The following NBPF9 variants were observed in gnomAD, a reference collection of about 807,000 sequenced individuals.
The protein encoded by NBPF9 is NBPF family member NBPF9.
In NBPF9, 91 loss-of-function variants were observed where a neutral mutation model predicts 97.8. The observed-to-expected ratio is 0.93, with a 90% CI of 0.79 to 1.11. The LOEUF (loss-of-function observed/expected upper bound fraction) is 1.11, where lower values mean the gene tolerates loss of function less well. Ranked by LOEUF, NBPF9 falls within the 50% of genes least tolerant of loss-of-function variation. The probability of loss-of-function intolerance (pLI) is 0.00; values close to 1 mark genes in which losing one functional copy is unlikely to be tolerated. For missense variants in NBPF9, 992 were observed against 939.5 expected, an observed-to-expected ratio of 1.06 and a Z score of -0.73; for synonymous variants, 334 against 359.5, an observed-to-expected ratio of 0.93 and a Z score of 0.80.
At chr1:149,056,156 C>T (rs1378538372) in intron 29 of NBPF9, among the ~76,000 whole-genome samples, 2 of 151,670 alleles carry the variant, frequency 1.3e-5, no homozygotes, top group African/African-American at 2.4e-5. Flanking sequence ...GGCCAGGTGA[C>T]ATACTGGTAA....
At chr1:149,087,769 CCAAAG>C (rs1431303362) in intron 5 of NBPF9, among the ~76,000 whole-genome samples, 2 of 148,912 alleles carry the variant, frequency 1.3e-5, no homozygotes, top group Non-Finnish European at 3.0e-5. Context: ...TCATAATTTC[CCAAAG>C]CAATTTTTTG....
intron 5 of NBPF9, among the ~76,000 whole-genome samples, chr1:149,085,375 T>A (rs1422795679): frequency 2.0e-5 from 3 of 152,204 alleles, no homozygotes; most frequent in Non-Finnish European, 4.4e-5. Context: ...AGCTTTAAAA[T>A]CAGGTTTGAA....
exon 30 of NBPF9, chr1:149,055,864 T>G: frequency 2.5e-6 from 4 of 1,609,636 alleles, no homozygotes; most frequent in Non-Finnish European, 2.5e-6. Context: ...CTGCAAGACT[T>G]CAGGCTCTTC....
intron 16 of NBPF9, among the ~76,000 whole-genome samples, chr1:149,070,355 C>A (rs1474182362): frequency 7.1e-6 from 1 of 141,844 alleles, no homozygotes; most frequent in Admixed American, 7.1e-5. Flanking sequence ...ATCCACGATG[C>A]TACAAAGAAA....
At chr1:149,099,968 C>T (rs1276718657) in intron 3 of NBPF9, among the ~76,000 whole-genome samples, 6 of 145,864 alleles carry the variant, frequency 4.1e-5, no homozygotes, top group South Asian at 4.6e-4. Context: ...GGCAACAGAG[C>T]GAGACACTGT....
chr1:149,061,683 TTC>T (rs2152870306), intron 22 of NBPF9: 1 of 228,142 alleles, frequency 4.4e-6, no homozygotes, highest in African/African-American at 4.3e-5. Context: ...CCCAGATGAT[TTC>T]TAGGAGGAAA....
intron 14 of NBPF9, 122 bp downstream of exon 14, chr1:149,072,596 A>G (rs2079503685): frequency 7.0e-7 from 1 of 1,435,084 alleles, no homozygotes; most frequent in Non-Finnish European, 9.7e-7. Context: ...TTGTCATGTC[A>G]TGGCCACATA....
chr1:149,093,303 C>A (rs2081528838), intron 4 of NBPF9, among the ~76,000 whole-genome samples: 1 of 151,750 alleles, frequency 6.6e-6, no homozygotes, highest in Non-Finnish European at 1.5e-5. Flanking sequence ...ATGGAATATA[C>A]AATCGGGCTT....
chr1:149,064,720 G>A, intron 18 of NBPF9: 2 of 617,838 alleles, frequency 3.2e-6, no homozygotes, highest in South Asian at 1.9e-5. Context: ...TATGTGCTCT[G>A]TCCTAGGTTT....
intron 5 of NBPF9, among the ~76,000 whole-genome samples, chr1:149,082,808 C>A (rs1399137998): frequency 6.9e-6 from 1 of 144,694 alleles, no homozygotes; most frequent in Non-Finnish European, 1.5e-5. Context: ...GAGACAGAGT[C>A]TCACTCTGTC....
intron 26 of NBPF9, 199 bp downstream of exon 26, chr1:149,058,726 A>T: frequency 2.1e-6 from 1 of 465,592 alleles, no homozygotes; most frequent in East Asian, 5.3e-5. Context: ...GGAGACTAGG[A>T]ATAGAGCCTT....
chr1:149,060,346 C>T (rs1237729117), intron 24 of NBPF9, 177 bp downstream of exon 24: 36,041 of 472,018 alleles, frequency 0.076, 11,798 homozygotes, highest in Non-Finnish European at 0.099. Context: ...GCCCACTGAC[C>T]CATCCCTCAT....
exon 30 of NBPF9, chr1:149,054,155 T>G (rs75631711): frequency 1.3e-4 from 19 of 147,222 alleles, no homozygotes; most frequent in East Asian, 6.5e-4. Flanking sequence ...CAAAAGGTTT[T>G]AATTGTATAG....
chr1:149,095,827 A>C (rs2081725182), intron 4 of NBPF9, among the ~76,000 whole-genome samples: 1 of 151,948 alleles, frequency 6.6e-6, no homozygotes, highest in South Asian at 2.1e-4. Flanking sequence ...GATGAGGAAC[A>C]ACCAGAACTC....
intron 21 of NBPF9, 35 bp from the exon 22 acceptor site, chr1:149,062,300 G>A (rs1194612835): frequency 7.9e-6 from 5 of 630,424 alleles, no homozygotes; most frequent in African/African-American, 2.0e-5. Flanking sequence ...AATAAGCCAG[G>A]GGGAATCAGA....
chr1:149,103,148 C>G (rs1270410613), intron 1 of NBPF9, among the ~76,000 whole-genome samples, 153 bp downstream of exon 1: 1 of 151,394 alleles, frequency 6.6e-6, no homozygotes, highest in African/African-American at 2.4e-5. Flanking sequence ...GAACTTAAGC[C>G]CCGGCGGGGC....
intron 3 of NBPF9, among the ~76,000 whole-genome samples, chr1:149,099,264 G>T (rs1189241236): frequency 6.6e-6 from 1 of 152,188 alleles, no homozygotes; most frequent in Non-Finnish European, 1.5e-5. Flanking sequence ...CTGAGCTTTC[G>T]CTAGGTTATG....
At chr1:149,075,043 C>T (rs1383902715) in intron 12 of NBPF9, among the ~76,000 whole-genome samples, 2 of 151,390 alleles carry the variant, frequency 1.3e-5, no homozygotes, top group African/African-American at 4.8e-5. Context: ...AACTCCTGAC[C>T]TCATGATCTG....
chr1:149,063,049 G>A (rs2078740561), intron 20 of NBPF9, 136 bp from the exon 21 acceptor site: 1 of 563,336 alleles, frequency 1.8e-6, no homozygotes, highest in South Asian at 2.0e-5. Context: ...TATTCTTCAG[G>A]AGGCCTGAAG....
Sources: gnomAD v4.1 joint callset for allele counts (sites outside exome capture counted in the v4.1 genomes callset) on GRCh38, gnomAD v4.1.1 for gene constraint, MANE v1.5 for transcripts, NCBI Gene and HGNC (gene_info 2026-07-23, HGNC 2026-07-21) for gene names.